The following TTYH3 variants were observed in gnomAD, a reference collection of about 807,000 sequenced individuals.
The protein encoded by TTYH3 is protein tweety homolog 3.
Under a neutral mutation model 68.2 loss-of-function variants are expected in TTYH3, and 23 were observed. That is an observed-to-expected ratio of 0.34 (90% confidence interval 0.24 to 0.48). TTYH3 has a LOEUF of 0.48. Ranked by LOEUF, TTYH3 falls within the 20% of genes least tolerant of loss-of-function variation. The pLI, the probability that TTYH3 is intolerant of heterozygous loss-of-function variation, is 0.99. For synonymous variants in TTYH3, 360 were observed against 332.8 expected (o/e 1.08, Z -0.89); for missense variants, 768 against 727.7 (o/e 1.06, Z -0.64).
intron 9 of TTYH3, among the ~76,000 whole-genome samples, chr7:2,655,866 A>T (rs1786318587): frequency 6.6e-6 from 1 of 152,104 alleles, no homozygotes; most frequent in Non-Finnish European, 1.5e-5. Flanking sequence ...CTGGGTCCTC[A>T]TGTCCTTGGT....
At position 2,656,319 on chromosome 7, in the gene TTYH3, G is replaced by A. The variant is rs151076576; in HGVS notation, c.1114-79G>A. The A allele has an allele frequency of 4.3e-5, 68 of 1,575,028 alleles. No individual in the cohort carries two copies. The African/African-American group carries it at 6.6e-4, about 15-fold the overall frequency. Reference sequence around the variant, plus strand: ...CCTCTGGGGGGCGGTCCAGGCCGCCGTGGCTGGGCTGAAGGTCTCACGCTG... The same window carrying A: ...CCTCTGGGGGGCGGTCCAGGCCGCCATGGCTGGGCTGAAGGTCTCACGCTG... On this transcript the variant is annotated intron_variant, in intron 10 of 13. Coordinates refer to ENST00000258796, the MANE Select transcript of TTYH3 (RefSeq NM_025250.3).
chr7:2,647,041 G>T lies in TTYH3; in HGVS notation c.293+19G>T. 6.5e-7 allele frequency: 1 copy of T among 1,538,904 alleles called. No homozygotes were observed. On this transcript the variant is annotated intron_variant, in intron 2 of 13. Coordinates refer to ENST00000258796, the MANE Select transcript of TTYH3 (RefSeq NM_025250.3). ...TGTGCAGGTGAGCGCGGTGGGGCGG[G>T]GACGGAGGGCGGGGCCAGAGGGGGC...
Position 2,647,550 on chromosome 7 carries a change from G to T in TTYH3, c.538G>T (p.Gly180Cys). 1 of 1,557,890 alleles carries T rather than the reference G, an allele frequency of 6.4e-7. No homozygotes were observed. The highest frequency in any genetic ancestry group is 8.7e-7 in the Non-Finnish European group (1 of 1,152,062). Residue 180 changes from glycine (G) to cysteine (C), a missense_variant, in exon 4 of 14, where the codon GGC becomes TGC. By Grantham distance (159) the Gly-to-Cys change is radical. Transcript: ENST00000258796. ...GCAGGGCCTGCTGGAGACGCTGCTG[G>T]GCTACACGGCCGCCATCCCCTTTTG... ...RLQGLLETLL[G>C]YTAAIPFWRN... is the part of the protein sequence containing the mutation.
At chr7:2,633,423 G>A (rs1332948071) in intron 1 of TTYH3, among the ~76,000 whole-genome samples, 1 of 152,006 alleles carries the variant, frequency 6.6e-6, no homozygotes, top group Non-Finnish European at 1.5e-5. Context: ...CCAGCCTCGC[G>A]CTCACTTGCA....
chr7:2,659,813 C>G (rs893800036), intron 13 of TTYH3: 1 of 1,190,492 alleles, frequency 8.4e-7, no homozygotes, highest in Non-Finnish European at 1.1e-6. Context: ...AGGCCCAGTC[C>G]CGCTCGGCTG....
At position 2,658,800 on chromosome 7, in the gene TTYH3, A is replaced by T. The variant is rs539401710; in HGVS notation, c.1425-140A>T. On this transcript the variant is annotated intron_variant, in intron 12 of 13. Transcript: ENST00000258796. ...GTGGGCCCTCTCTGAGCCCTTTGTT[A>T]CTGTGCTGGGTTCGTGGGACCCCCA... 2.2e-4 allele frequency: 182 copies of T among 841,394 alleles called. 1 individual carries two copies. The African/African-American group carries it at 2.9e-3, about 14-fold the overall frequency. The allele number at this position is 841,394 out of a possible 1,614,324, so 52.1% of individuals were successfully genotyped here.
intron 1 of TTYH3, among the ~76,000 whole-genome samples, chr7:2,638,702 C>T (rs1270105599): frequency 2.6e-5 from 4 of 152,226 alleles, no homozygotes; most frequent in Non-Finnish European, 5.9e-5. Flanking sequence ...GAAACCCAAA[C>T]CCAGCCTGGT....
At chr7:2,659,896 T>A (rs1250620507) in intron 13 of TTYH3, 1 of 1,204,500 alleles carries the variant, frequency 8.3e-7, no homozygotes, top group East Asian at 6.0e-5. Flanking sequence ...CCACACTCTC[T>A]CTCTCTCTCT....
intron 11 of TTYH3, 126 bp from the exon 12 acceptor site, chr7:2,658,160 T>G: frequency 1.0e-6 from 1 of 974,856 alleles, no homozygotes; most frequent in East Asian, 2.7e-5. Context: ...CCACATGGAG[T>G]GTGCACACGG....
Position 2,663,710 on chromosome 7 carries a change from G to A in TTYH3, c.*1971G>A, listed in dbSNP as rs968757531. The A allele has an allele frequency of 1.3e-5, 2 of 152,706 alleles. No individual in the cohort carries two copies. The highest frequency in any genetic ancestry group is 2.9e-5 in the Non-Finnish European group (2 of 68,066). The allele number at this position is 152,706 out of a possible 1,614,324, so 9.5% of individuals were successfully genotyped here. A position where few individuals can be genotyped will look rare whatever the true frequency, so the allele number is the denominator to read the frequency against. Reference sequence around the variant, plus strand: ...CCTGCGACCGCTCAGAAGCACAAATGCTGTCCATGGCCGTGAGGCTGCCTG... The same window carrying A: ...CCTGCGACCGCTCAGAAGCACAAATACTGTCCATGGCCGTGAGGCTGCCTG... On this transcript the variant is annotated 3_prime_UTR_variant, in exon 14 of 14. Transcript: ENST00000258796.
At chr7:2,653,278 T>G (rs1342268465) in intron 9 of TTYH3, among the ~76,000 whole-genome samples, 1 of 152,190 alleles carries the variant, frequency 6.6e-6, no homozygotes, top group African/African-American at 2.4e-5. Flanking sequence ...ATCATTTCTT[T>G]TGAGATGGGC....
At chr7:2,659,905 CTCTCTT>C (rs1786443813) in intron 13 of TTYH3, 3 of 1,294,296 alleles carry the variant, frequency 2.3e-6, no homozygotes, top group Non-Finnish European at 3.1e-6. Flanking sequence ...CTCTCTCTCT[CTCTCTT>C]GCACCCCACC....
intron 1 of TTYH3, 112 bp from the exon 2 acceptor site, chr7:2,646,740 AG>A (rs1209008656): frequency 8.3e-7 from 1 of 1,210,626 alleles, no homozygotes; most frequent in East Asian, 2.6e-5. Flanking sequence ...CCCACCTCCC[AG>A]GGCTGGGGGC....
chr7:2,647,214 C>T lies in TTYH3; in HGVS notation c.366C>T (p.Leu122=), dbSNP rs780010643. 2 of 1,603,298 alleles carry T rather than the reference C, an allele frequency of 1.2e-6. No individual in the cohort carries two copies. The highest frequency in any genetic ancestry group is 3.4e-5 in the Admixed American group (2 of 58,956). ...SDGIHRATYS[L]RHANRTVAGV... ...GCATCCATAGGGCCACCTACTCGCT[C>T]CGCCACGCCAACCGCACGGTGGCCG... The change falls in exon 3 of 14, where the codon CTC becomes CTT. Residue 122 remains leucine (L), a synonymous_variant. Coordinates refer to ENST00000258796, the MANE Select transcript of TTYH3 (RefSeq NM_025250.3).
chr7:2,656,276 A>C, intron 10 of TTYH3, 92 bp downstream of exon 10: 2 of 1,556,322 alleles, frequency 1.3e-6, no homozygotes, highest in Non-Finnish European at 1.8e-6. Context: ...CTCAGCAGAC[A>C]GTGGGTCCTC....
In TTYH3 at chr7:2,658,462, G is replaced by A. The variant is rs761286338; in HGVS notation, c.1424+3G>A. ...AACGCCCCGGTCACTGAGTACATGT[G>A]AGTTGACGTGGGCCTAGTGGGGCCA... On this transcript the variant is annotated splice_donor_region_variant and intron_variant, in intron 12 of 13. Transcript: ENST00000258796. 3 of 1,606,024 alleles carry A rather than the reference G, an allele frequency of 1.9e-6. No individual in the cohort carries two copies. The highest frequency in any genetic ancestry group is 2.6e-6 in the Non-Finnish European group (3 of 1,174,876).
intron 12 of TTYH3, 29 bp from the exon 13 acceptor site, chr7:2,658,911 C>G: frequency 6.2e-7 from 1 of 1,611,314 alleles, no homozygotes. Flanking sequence ...CCAGCAGGCA[C>G]TCACAGCCTC....
intron 1 of TTYH3, among the ~76,000 whole-genome samples, chr7:2,634,371 TG>T (rs1785603875): frequency 6.6e-6 from 1 of 152,104 alleles, no homozygotes; most frequent in South Asian, 2.1e-4. Flanking sequence ...CCTGGGAGAA[TG>T]GGCAGTGGGT....
At chr7:2,636,950 TGCA>T (rs1347379517) in intron 1 of TTYH3, among the ~76,000 whole-genome samples, 4 of 152,162 alleles carry the variant, frequency 2.6e-5, no homozygotes, top group African/African-American at 9.6e-5. Flanking sequence ...TTCCTTGGAG[TGCA>T]GCAGCCTGGG....
Sources: gnomAD v4.1 joint callset for allele counts (sites outside exome capture counted in the v4.1 genomes callset) on GRCh38, gnomAD v4.1.1 for gene constraint, MANE v1.5 for transcripts, NCBI Gene and HGNC (gene_info 2026-07-23, HGNC 2026-07-21) for gene names.